Variants in PPP2CB observed in about 807,000 individuals in gnomAD.
PPP2CB encodes the protein protein phosphatase 2 catalytic subunit beta.
A neutral mutation model predicts 39.1 loss-of-function variants in PPP2CB; 18 were observed. The observed-to-expected ratio is 0.46, with a 90% CI of 0.32 to 0.68. PPP2CB has a LOEUF of 0.68. Among genes scored for constraint, PPP2CB ranks in the 30% least tolerant of loss-of-function variants. PPP2CB has a pLI of 0.04. For synonymous variants in PPP2CB, 129 were observed against 133.8 expected (o/e 0.96, Z 0.25); for missense variants, 226 against 396.9 (o/e 0.57, Z 3.66).
intron 2 of PPP2CB, 53 bp from the exon 3 acceptor site, chr8:30,797,807 T>C: frequency 3.2e-6 from 5 of 1,567,714 alleles, no homozygotes; most frequent in East Asian, 2.3e-5. Context: ...ACTAGTGTCA[T>C]GTGAAGTACA....
At chr8:30,801,124 A>C (rs1563216463) in intron 1 of PPP2CB, among the ~76,000 whole-genome samples, 2 of 151,804 alleles carry the variant, frequency 1.3e-5, no homozygotes, top group Non-Finnish European at 2.9e-5. Flanking sequence ...TGGGGTGGGA[A>C]GACAGCTTGA....
chr8:30,804,953 G>C (rs967024896), intron 1 of PPP2CB, among the ~76,000 whole-genome samples: 1 of 151,476 alleles, frequency 6.6e-6, no homozygotes, highest in African/African-American at 2.4e-5. Flanking sequence ...GCTTTTTCTT[G>C]CCAGCAAGAA....
rs1337451314 is a variant in PPP2CB, at chr8:30,812,670, C to T, written c.-249G>A. On this transcript the variant is annotated 5_prime_UTR_variant, in exon 1 of 7. Transcript: ENST00000221138. ...CCGCCCTTCCCCGCCCGGCCGCGCG[C>T]CGCGGGAGTCGGTGAAGGACGCGGT... 2 of 360,804 alleles carry T rather than the reference C, an allele frequency of 5.5e-6. No homozygotes were observed. The highest frequency in any genetic ancestry group is 2.7e-5 in the South Asian group (1 of 37,724). The allele number at this position is 360,804 out of a possible 1,614,324, so 22.4% of individuals were successfully genotyped here.
At chr8:30,793,129 T>TGCACGGAGGAGGACACACCATCTTTCTA (rs1250992961) in intron 5 of PPP2CB, 51 of 152,298 alleles carry the variant, frequency 3.3e-4, no homozygotes, top group African/African-American at 1.2e-3. Context: ...CTTGATACAA[T>TGCACGGAGGAGGACACACCATCTTTCTA]GCACGGAGGA....
At chr8:30,788,664 T>C (rs1806382445) in intron 6 of PPP2CB, among the ~76,000 whole-genome samples, 1 of 152,266 alleles carries the variant, frequency 6.6e-6, no homozygotes, top group Admixed American at 6.5e-5. Context: ...CTATGTTTCA[T>C]GTTTACTTGA....
chr8:30,788,445 G>A (rs1271357012), intron 6 of PPP2CB, among the ~76,000 whole-genome samples: 1 of 151,834 alleles, frequency 6.6e-6, no homozygotes, highest in South Asian at 2.1e-4. Context: ...AAATTTTTTT[G>A]TAGAGACGGG....
At chr8:30,791,917 T>A (rs546186454) in intron 5 of PPP2CB, among the ~76,000 whole-genome samples, 3 of 151,926 alleles carry the variant, frequency 2.0e-5, no homozygotes, top group South Asian at 2.1e-4. Context: ...TGTATATACA[T>A]ACACGTATAT....
intron 1 of PPP2CB, among the ~76,000 whole-genome samples, chr8:30,809,336 TCAGA>T (rs1443766923): frequency 2.0e-5 from 3 of 152,084 alleles, no homozygotes; most frequent in Admixed American, 6.6e-5. Flanking sequence ...GGACTGGAAC[TCAGA>T]CAGGATGAAT....
At chr8:30,792,910 T>G (rs1310148178) in intron 5 of PPP2CB, among the ~76,000 whole-genome samples, 3 of 152,174 alleles carry the variant, frequency 2.0e-5, no homozygotes, top group South Asian at 2.1e-4. Context: ...GTTTTTTTTA[T>G]CATGCTCCCT....
chr8:30,794,472 TC>T, intron 3 of PPP2CB, 191 bp from the exon 4 acceptor site: 2 of 513,162 alleles, frequency 3.9e-6, no homozygotes, highest in Non-Finnish European at 6.7e-6. Context: ...CCATTAAATT[TC>T]TTTTTTTTTT....
At chr8:30,787,770 T>C (rs978712572) in intron 6 of PPP2CB, among the ~76,000 whole-genome samples, 1 of 152,194 alleles carries the variant, frequency 6.6e-6, no homozygotes, top group Admixed American at 6.5e-5. Context: ...GGTCCTGCTA[T>C]GTTGTCCAGG....
At chr8:30,800,835 G>T (rs1038761311) in intron 1 of PPP2CB, among the ~76,000 whole-genome samples, 1 of 152,118 alleles carries the variant, frequency 6.6e-6, no homozygotes, top group South Asian at 2.1e-4. Context: ...AGAAAACCAC[G>T]AAAGCTAAGA....
chr8:30,807,618 GA>G (rs1422471430), intron 1 of PPP2CB, among the ~76,000 whole-genome samples: 1 of 152,162 alleles, frequency 6.6e-6, no homozygotes, highest in Non-Finnish European at 1.5e-5. Flanking sequence ...CCCACCTAAA[GA>G]ATCATCACCA....
chr8:30,797,018 A>T (rs1156900607), intron 3 of PPP2CB, among the ~76,000 whole-genome samples: 1 of 147,126 alleles, frequency 6.8e-6, no homozygotes, highest in Non-Finnish European at 1.5e-5. Context: ...TAATTTTTAA[A>T]TTTTTTTTTT....
chr8:30,797,854 G>A, intron 2 of PPP2CB, 100 bp from the exon 3 acceptor site: 1 of 1,145,600 alleles, frequency 8.7e-7, no homozygotes, highest in East Asian at 2.6e-5. Context: ...GGCGCTTTTG[G>A]CCACCAGTAT....
In PPP2CB at chr8:30,785,776, A is replaced by C; in HGVS notation, c.*459T>G. On this transcript the variant is annotated 3_prime_UTR_variant, in exon 7 of 7. Coordinates refer to ENST00000221138, the MANE Select transcript of PPP2CB (RefSeq NM_001009552.2). ...GTTATGACAACATACTCCCAAGAAGAACCTTTTCTTCAGTTAAGTTAATTA... is the reference window on the plus strand; with the variant it reads ...GTTATGACAACATACTCCCAAGAAGCACCTTTTCTTCAGTTAAGTTAATTA... The C allele has an allele frequency of 3.4e-6, 1 of 296,440 alleles. No individual in the cohort carries two copies. Among genetic ancestry groups the C allele is most frequent in the South Asian group, 3.0e-5 (1 of 33,098 alleles). The allele number at this position is 296,440 out of a possible 1,614,324, so 18.4% of individuals were successfully genotyped here.
chr8:30,797,462 G>A (rs1806545931), intron 3 of PPP2CB, 119 bp downstream of exon 3: 2 of 995,768 alleles, frequency 2.0e-6, no homozygotes, highest in Non-Finnish European at 2.9e-6. Context: ...AGGGAAGGAG[G>A]AGGAAAAGGC....
At position 30,804,216 on chromosome 8, in the gene PPP2CB, C is replaced by T. The variant is rs188437657; in HGVS notation, c.103-4461G>A. 3.9e-5 allele frequency among the ~76,000 whole-genome samples: 6 copies of T among 152,306 alleles called. No homozygotes were observed. In the East Asian group the frequency reaches 7.7e-4, roughly 20 times the overall value. ...ACTCCACAATTCTGATAAATCTAGCCTTGTTTTCTTCATGTATTTTGGTAT... is the reference window on the plus strand; with the variant it reads ...ACTCCACAATTCTGATAAATCTAGCTTTGTTTTCTTCATGTATTTTGGTAT... On this transcript the variant is annotated intron_variant, in intron 1 of 6. Coordinates refer to ENST00000221138, the MANE Select transcript of PPP2CB (RefSeq NM_001009552.2).
In PPP2CB at chr8:30,806,371, T is replaced by C. The variant is rs1008525198; in HGVS notation, c.102+5949A>G. Among the ~76,000 whole-genome samples, 19 of 152,116 alleles carry C rather than the reference T, an allele frequency of 1.2e-4. 1 individual carries two copies. The highest frequency in any genetic ancestry group is 1.2e-3 in the Admixed American group (18 of 15,272). On this transcript the variant is annotated intron_variant, in intron 1 of 6. Coordinates refer to ENST00000221138, the MANE Select transcript of PPP2CB (RefSeq NM_001009552.2). ...GCCCGGCCGTTAATATGATTATTAA[T>C]GAAATTTAGAGTTGAAAAGTAACGT...
Sources: gnomAD v4.1 joint callset for allele counts (sites outside exome capture counted in the v4.1 genomes callset) on GRCh38, gnomAD v4.1.1 for gene constraint, MANE v1.5 for transcripts, NCBI Gene and HGNC (gene_info 2026-07-23, HGNC 2026-07-21) for gene names.